Variants in ZBTB7C observed in about 807,000 individuals in gnomAD.
ZBTB7C encodes zinc finger and BTB domain containing 7C.
ZBTB7C carries 8 observed loss-of-function variants against 25.7 expected under a neutral mutation model. The ratio of observed to expected loss-of-function variants is 0.31; its 90% CI spans 0.18 to 0.56. ZBTB7C has a LOEUF of 0.56. Among genes scored for constraint, ZBTB7C ranks in the 20% least tolerant of loss-of-function variants. ZBTB7C has a pLI of 0.91. For synonymous variants in ZBTB7C, 394 were observed against 369.0 expected (o/e 1.07, Z -0.78); for missense variants, 824 against 855.2 (o/e 0.96, Z 0.46).
At chr18:48,108,312 T>A (rs1051086983) in intron 3 of ZBTB7C, among the ~76,000 whole-genome samples, 1 of 152,120 alleles carries the variant, frequency 6.6e-6, no homozygotes, top group African/African-American at 2.4e-5. Flanking sequence ...GCAAGTTAAA[T>A]GAACGTGTGG....
At chr18:48,129,317 T>C (rs1362280177) in intron 3 of ZBTB7C, among the ~76,000 whole-genome samples, 1 of 149,452 alleles carries the variant, frequency 6.7e-6, no homozygotes, top group African/African-American at 2.5e-5. Context: ...TGTTTATGTA[T>C]TAACTGAGGA....
At chr18:48,261,178 T>C (rs1293225328) in intron 2 of ZBTB7C, among the ~76,000 whole-genome samples, 3 of 152,306 alleles carry the variant, frequency 2.0e-5, no homozygotes, top group Admixed American at 2.0e-4. Flanking sequence ...TAAGATTGAA[T>C]GTGTTGGAGA....
intron 2 of ZBTB7C, among the ~76,000 whole-genome samples, chr18:48,256,175 G>A (rs995385152): frequency 6.6e-6 from 1 of 151,938 alleles, no homozygotes; most frequent in African/African-American, 2.4e-5. Flanking sequence ...CAAGAAACCT[G>A]AAACATAAGA....
At chr18:48,238,887 T>G (rs367746765) in intron 2 of ZBTB7C, among the ~76,000 whole-genome samples, 6 of 152,204 alleles carry the variant, frequency 3.9e-5, no homozygotes, top group African/African-American at 1.4e-4. Context: ...GGGAGCCTTG[T>G]AGCCGGGGGC....
At chr18:48,356,466 C>T (rs1221694743) in intron 1 of ZBTB7C, among the ~76,000 whole-genome samples, 1 of 152,194 alleles carries the variant, frequency 6.6e-6, no homozygotes, top group Non-Finnish European at 1.5e-5. Context: ...GCAATTCACC[C>T]CAACTGTGCT....
intron 3 of ZBTB7C, among the ~76,000 whole-genome samples, chr18:48,098,838 G>A (rs1169777573): frequency 1.3e-5 from 2 of 152,078 alleles, no homozygotes; most frequent in East Asian, 3.8e-4. Flanking sequence ...TTTTTCCTGC[G>A]GCACTGAAAT....
At chr18:48,107,151 T>G in intron 3 of ZBTB7C, among the ~76,000 whole-genome samples, 3 of 140,350 alleles carry the variant, frequency 2.1e-5, no homozygotes, top group Non-Finnish European at 3.1e-5. Flanking sequence ...GGGAGGGGCA[T>G]TGGAGAGAAG....
In ZBTB7C at chr18:48,354,201, T is replaced by G. The variant is rs900058518; in HGVS notation, c.-303-15803A>C. On this transcript the variant is annotated intron_variant, in intron 1 of 4. Coordinates refer to ENST00000590800, the MANE Select transcript of ZBTB7C (RefSeq NM_001318841.2). ...CGTTTTGTGGTTTTTGTTTGTTTGTTTGTTTAAGAGATGGGGTCTCACTAT... is the reference window on the plus strand; with the variant it reads ...CGTTTTGTGGTTTTTGTTTGTTTGTGTGTTTAAGAGATGGGGTCTCACTAT... 2.0e-5 allele frequency among the ~76,000 whole-genome samples: 3 copies of G among 152,240 alleles called. No individual in the cohort carries two copies. The South Asian group carries it at 6.2e-4, about 32-fold the overall frequency.
In ZBTB7C at chr18:48,040,877, G is replaced by A. The variant is rs546974233; in HGVS notation, c.231C>T (p.Ile77=). The A allele has an allele frequency of 6.2e-6, 10 of 1,614,184 alleles. No homozygotes were observed. The highest frequency in any genetic ancestry group is 4.5e-5 in the East Asian group (2 of 44,862). ...TLASQPYVYE[I]DFVQPEALAA... ...CCAGAGCCTCAGGCTGGACAAAGTC[G>A]ATCTCATAGACGTAGGGCTGGCTGG... The change falls in exon 4 of 5, where the codon ATC becomes ATT. Residue 77 remains isoleucine (I), a synonymous_variant. Coordinates refer to ENST00000590800, the MANE Select transcript of ZBTB7C (RefSeq NM_001318841.2).
chr18:48,323,351 A>C (rs1267001460), intron 2 of ZBTB7C, among the ~76,000 whole-genome samples: 2 of 152,178 alleles, frequency 1.3e-5, no homozygotes, highest in Admixed American at 6.5e-5. Context: ...AGGTTTTCTT[A>C]TATAATCCTC....
chr18:48,063,156 C>T (rs1403138375), intron 3 of ZBTB7C, among the ~76,000 whole-genome samples: 1 of 152,234 alleles, frequency 6.6e-6, no homozygotes, highest in Non-Finnish European at 1.5e-5. Context: ...ATTGGAAGTC[C>T]TGCATTCCAG....
chr18:48,340,306 A>G (rs2046568688), intron 1 of ZBTB7C, among the ~76,000 whole-genome samples: 2 of 152,382 alleles, frequency 1.3e-5, no homozygotes, highest in Non-Finnish European at 2.9e-5. Context: ...AGATCCATAG[A>G]GTTTGGCAGG....
intron 3 of ZBTB7C, among the ~76,000 whole-genome samples, chr18:48,120,886 T>A (rs1221265309): frequency 1.3e-5 from 2 of 152,112 alleles, no homozygotes; most frequent in Admixed American, 1.3e-4. Context: ...CAAGGTCAGT[T>A]TGCACACTTA....
chr18:48,275,682 G>A (rs1398026284), intron 2 of ZBTB7C, among the ~76,000 whole-genome samples: 1 of 152,212 alleles, frequency 6.6e-6, no homozygotes, highest in Non-Finnish European at 1.5e-5. Flanking sequence ...TATTTTTGTA[G>A]CATTAAGGGA....
intron 2 of ZBTB7C, among the ~76,000 whole-genome samples, chr18:48,225,995 C>T (rs746521980): frequency 1.3e-5 from 2 of 152,156 alleles, no homozygotes; most frequent in South Asian, 2.1e-4. Flanking sequence ...CCCGCTTTGG[C>T]GTCCCAAAGT....
chr18:48,107,393 G>A (rs1009881589), intron 3 of ZBTB7C, among the ~76,000 whole-genome samples: 1 of 151,510 alleles, frequency 6.6e-6, no homozygotes, highest in Non-Finnish European at 1.5e-5. Context: ...GTGGGAGAAG[G>A]GCCCAGGAAG....
intron 2 of ZBTB7C, among the ~76,000 whole-genome samples, chr18:48,327,993 G>C (rs1296455705): frequency 6.6e-6 from 1 of 151,974 alleles, no homozygotes. Flanking sequence ...CGGATCACGA[G>C]GTCAGGAGAT....
intron 3 of ZBTB7C, chr18:48,149,952 C>CA (rs2040623063): frequency 6.6e-6 from 1 of 151,758 alleles, no homozygotes; most frequent in Non-Finnish European, 1.5e-5. Flanking sequence ...TACAGGCACG[C>CA]GCCACCACAC....
intron 2 of ZBTB7C, among the ~76,000 whole-genome samples, chr18:48,200,083 C>A (rs2042405080): frequency 6.6e-6 from 1 of 151,956 alleles, no homozygotes; most frequent in Non-Finnish European, 1.5e-5. Flanking sequence ...GCCACCCTGC[C>A]TGGAGAATAG....
Sources: gnomAD v4.1 joint callset for allele counts (sites outside exome capture counted in the v4.1 genomes callset) on GRCh38, gnomAD v4.1.1 for gene constraint, MANE v1.5 for transcripts, NCBI Gene and HGNC (gene_info 2026-07-23, HGNC 2026-07-21) for gene names.